The following TOX3 variants were observed in gnomAD, a reference collection of about 807,000 sequenced individuals.
TOX3 encodes TOX high mobility group box family member 3.
Under a neutral mutation model 64.3 loss-of-function variants are expected in TOX3, and 22 were observed. The observed-to-expected ratio is 0.34, with a 90% CI of 0.24 to 0.49. The LOEUF (loss-of-function observed/expected upper bound fraction) is 0.49, where lower values mean the gene tolerates loss of function less well. Ranked by LOEUF, TOX3 falls within the 20% of genes least tolerant of loss-of-function variation. The probability of loss-of-function intolerance (pLI) is 0.99; values close to 1 mark genes in which losing one functional copy is unlikely to be tolerated. For missense variants in TOX3, 661 were observed against 714.4 expected (o/e 0.93, Z 0.85); for synonymous variants, 291 against 273.6 (o/e 1.06, Z -0.63).
chr16:52,439,364 C>T lies in TOX3; in HGVS notation c.1592G>A (p.Arg531Gln), dbSNP rs368895361. 9.3e-6 allele frequency: 15 copies of T among 1,607,822 alleles called. No homozygotes were observed. Among genetic ancestry groups the T allele is most frequent in the African/African-American group, 5.4e-5 (4 of 74,736 alleles). ...HMQHQSQPSP[R>Q]QHSPVASQIT... is the part of the protein sequence containing the mutation. ...CTGAGAGGCGACAGGGGAGTGCTGC[C>T]GAGGAGAAGGCTGAGACTGGTGCTG... Residue 531 changes from arginine to glutamine, a missense_variant, in exon 7 of 7, where the codon CGG becomes CAG. Around this residue, in one of 3 missense-constraint regions of TOX3, gnomAD observed 299 missense variants for 292.1 expected, o/e 1.02. Coordinates refer to ENST00000219746, the MANE Select transcript of TOX3 (RefSeq NM_001080430.4).
At chr16:52,503,407 T>A (rs1055680691) in intron 1 of TOX3, among the ~76,000 whole-genome samples, 1 of 152,210 alleles carries the variant, frequency 6.6e-6, no homozygotes, top group African/African-American at 2.4e-5. Flanking sequence ...GCACTTAGCA[T>A]AGTTATGGAT....
chr16:52,480,145 T>C (rs1443656545), intron 1 of TOX3, among the ~76,000 whole-genome samples: 1 of 152,206 alleles, frequency 6.6e-6, no homozygotes, highest in African/African-American at 2.4e-5. Flanking sequence ...CAATTGATAA[T>C]GCAATGGCCT....
At chr16:52,444,758 T>A (rs1960114425) in intron 5 of TOX3, 1 of 156,854 alleles carries the variant, frequency 6.4e-6, no homozygotes, top group Admixed American at 6.5e-5. Flanking sequence ...AGTTTCTCCA[T>A]CAATGTCTTC....
At chr16:52,501,490 G>A (rs986526516) in intron 1 of TOX3, among the ~76,000 whole-genome samples, 4 of 152,068 alleles carry the variant, frequency 2.6e-5, no homozygotes, top group Admixed American at 6.5e-5. Context: ...TGGCCAACAT[G>A]GTGAAACCCT....
intron 1 of TOX3, among the ~76,000 whole-genome samples, chr16:52,529,622 C>T: frequency 6.6e-6 from 1 of 152,122 alleles, no homozygotes; most frequent in African/African-American, 2.4e-5. Context: ...ATCCTACTGC[C>T]CTAGACAGCT....
rs1264903663 is a variant in TOX3, at chr16:52,464,021, G to T, written c.321C>A (p.Pro107=). 2 of 1,599,908 alleles carry T rather than the reference G, an allele frequency of 1.3e-6. No homozygotes were observed. Among genetic ancestry groups the T allele is most frequent in the East Asian group, 4.6e-5 (2 of 43,846 alleles). ...TGGAAGGGAGGTCCAGGCTTTGAGG[G>T]GGAAACTGGGGTGTGAATTCACTTC... The part of the protein sequence containing the change: ...SQGSEFTPQF[P]PQSLDLPSIT... The change falls in exon 3 of 7, where the codon CCC becomes CCA. Residue 107 remains proline (P), a synonymous_variant. Coordinates refer to ENST00000219746, the MANE Select transcript of TOX3 (RefSeq NM_001080430.4).
intron 1 of TOX3, among the ~76,000 whole-genome samples, chr16:52,545,642 G>T (rs932148514): frequency 6.6e-6 from 1 of 152,300 alleles, no homozygotes; most frequent in East Asian, 1.9e-4. Flanking sequence ...GCAGGAGGAA[G>T]GGGAAAGAAA....
chr16:52,436,486 T>C lies in TOX3; in HGVS notation c.*2739A>G, dbSNP rs989988722. Among the ~76,000 whole-genome samples the C allele has an allele frequency of 6.6e-6, 1 of 152,128 alleles. No individual in the cohort carries two copies. Among genetic ancestry groups the C allele is most frequent in the Admixed American group, 6.5e-5 (1 of 15,270 alleles). On this transcript the variant is annotated 3_prime_UTR_variant, in exon 7 of 7. Coordinates refer to ENST00000219746, the MANE Select transcript of TOX3 (RefSeq NM_001080430.4). ...AAAGCGCACCAAGTACTTACTTAAG[T>C]CTCAGGAATAGAAACCAGTCATATG...
At chr16:52,539,032 A>G (rs1194708328) in intron 1 of TOX3, among the ~76,000 whole-genome samples, 6 of 152,198 alleles carry the variant, frequency 3.9e-5, no homozygotes, top group African/African-American at 9.6e-5. Flanking sequence ...TATACTCAAC[A>G]AAAATCCTGT....
At chr16:52,452,430 T>C (rs906483929) in intron 3 of TOX3, among the ~76,000 whole-genome samples, 1 of 152,066 alleles carries the variant, frequency 6.6e-6, no homozygotes, top group Non-Finnish European at 1.5e-5. Context: ...TCATTTTTTA[T>C]GGCTGCATAG....
At chr16:52,535,640 A>G (rs1476544215) in intron 1 of TOX3, among the ~76,000 whole-genome samples, 1 of 152,156 alleles carries the variant, frequency 6.6e-6, no homozygotes, top group East Asian at 1.9e-4. Context: ...TTTCTATTAC[A>G]TGTAAGTTGA....
chr16:52,519,518 T>A, intron 1 of TOX3: 1 of 1,549,002 alleles, frequency 6.5e-7, no homozygotes. Context: ...AAATCCTCTC[T>A]ACCCTCTTCT....
chr16:52,485,325 C>A (rs563452917), intron 1 of TOX3, among the ~76,000 whole-genome samples: 1 of 148,922 alleles, frequency 6.7e-6, no homozygotes, highest in South Asian at 2.1e-4. Context: ...AAATCATGTT[C>A]TTTGCAGCAA....
intron 1 of TOX3, among the ~76,000 whole-genome samples, chr16:52,478,904 G>A (rs559799100): frequency 7.9e-5 from 12 of 152,296 alleles, no homozygotes; most frequent in African/African-American, 2.9e-4. Context: ...AGAAGCCTGG[G>A]AAGACAGAAG....
chr16:52,510,367 T>C (rs1962272096), intron 1 of TOX3, among the ~76,000 whole-genome samples: 1 of 152,114 alleles, frequency 6.6e-6, no homozygotes, highest in Non-Finnish European at 1.5e-5. Context: ...TGAGCAGAAA[T>C]AGATACTAAA....
At position 52,484,169 on chromosome 16, in the gene TOX3, C is replaced by G. The variant is rs1961446068; in HGVS notation, c.88-15595G>C. On this transcript the variant is annotated intron_variant, in intron 1 of 6. Coordinates refer to ENST00000219746, the MANE Select transcript of TOX3 (RefSeq NM_001080430.4). ...TCATCATACCTTATGGACTCCAATACTTTAGGGAAATTTCTTTAAACAAAG... is the reference window on the plus strand; with the variant it reads ...TCATCATACCTTATGGACTCCAATAGTTTAGGGAAATTTCTTTAAACAAAG... 2.0e-5 allele frequency among the ~76,000 whole-genome samples: 3 copies of G among 152,206 alleles called. No homozygotes were observed. The South Asian group carries it at 6.2e-4, about 32-fold the overall frequency.
intron 1 of TOX3, among the ~76,000 whole-genome samples, chr16:52,543,395 G>T (rs951101142): frequency 3.9e-5 from 6 of 152,184 alleles, no homozygotes; most frequent in Admixed American, 6.5e-5. Flanking sequence ...GGATTTTGGA[G>T]TATGTTGGAT....
chr16:52,517,824 T>C (rs1323218992), intron 1 of TOX3, among the ~76,000 whole-genome samples: 1 of 152,214 alleles, frequency 6.6e-6, no homozygotes, highest in Non-Finnish European at 1.5e-5. Context: ...AAAACGTTTC[T>C]ATTTAGTCCA....
intron 1 of TOX3, among the ~76,000 whole-genome samples, chr16:52,515,967 TTG>T (rs3086690): frequency 7.0e-4 from 105 of 149,582 alleles, no homozygotes; most frequent in Middle Eastern, 3.5e-3. Context: ...AAATGTGTGC[TTG>T]TGTGTGTGTG....
Sources: gnomAD v4.1 joint callset for allele counts (sites outside exome capture counted in the v4.1 genomes callset) on GRCh38, gnomAD v4.1.1 for gene constraint, gnomAD v4.1.1 regional missense constraint, MANE v1.5 for transcripts, NCBI Gene and HGNC (gene_info 2026-07-23, HGNC 2026-07-21) for gene names.